Variants in PLPPR1 observed in about 807,000 individuals in gnomAD.
PLPPR1 encodes the protein phospholipid phosphatase related 1, also known as phospholipid phosphatase-related protein type 1.
In PLPPR1, 10 loss-of-function variants were observed where a neutral mutation model predicts 33.1. That is an observed-to-expected ratio of 0.30 (90% CI 0.19 to 0.51). The LOEUF (loss-of-function observed/expected upper bound fraction) is 0.51. PLPPR1 is among the 20% of genes least tolerant of loss of function. The pLI, the probability that PLPPR1 is intolerant of heterozygous loss-of-function variation, is 0.97. For synonymous variants in PLPPR1, 151 were observed against 151.0 expected (o/e 1.00, Z 0.00); for missense variants, 304 against 408.1 (o/e 0.74, Z 2.20).
intron 2 of PLPPR1, among the ~76,000 whole-genome samples, chr9:101,266,438 G>A (rs1246632409): frequency 2.1e-5 from 3 of 142,854 alleles, no homozygotes; most frequent in Non-Finnish European, 3.1e-5. Context: ...TAAAGAAAAA[G>A]AAAATTACAA....
At chr9:101,277,733 C>T (rs534546426) in intron 3 of PLPPR1, among the ~76,000 whole-genome samples, 3 of 152,282 alleles carry the variant, frequency 2.0e-5, no homozygotes, top group African/African-American at 7.2e-5. Flanking sequence ...AGGGCAGAGT[C>T]GAGCTAGAAT....
intron 4 of PLPPR1, among the ~76,000 whole-genome samples, chr9:101,295,491 C>A (rs916586151): frequency 4.3e-4 from 65 of 152,244 alleles, no homozygotes; most frequent in Admixed American, 6.5e-4. Context: ...CCCACATCAC[C>A]AATTCAATCC....
intron 1 of PLPPR1, among the ~76,000 whole-genome samples, chr9:101,117,957 GC>G (rs1831135319): frequency 6.6e-6 from 1 of 152,162 alleles, no homozygotes; most frequent in South Asian, 2.1e-4. Context: ...CTGTCCAAGG[GC>G]TGCTTTGTTG....
At chr9:101,034,560 C>A (rs994131130) in intron 1 of PLPPR1, among the ~76,000 whole-genome samples, 1 of 152,146 alleles carries the variant, frequency 6.6e-6, no homozygotes, top group Non-Finnish European at 1.5e-5. Context: ...TTAATTCTGG[C>A]TCTGCCACTT....
chr9:101,259,058 A>ATGTAGTT (rs1467406788), intron 2 of PLPPR1, among the ~76,000 whole-genome samples: 2 of 152,168 alleles, frequency 1.3e-5, no homozygotes, highest in Non-Finnish European at 2.9e-5. Flanking sequence ...CCCTTCCTTG[A>ATGTAGTT]TGTAGTTGTA....
intron 2 of PLPPR1, among the ~76,000 whole-genome samples, chr9:101,265,944 C>T (rs1055644695): frequency 6.6e-6 from 1 of 151,140 alleles, no homozygotes; most frequent in Non-Finnish European, 1.5e-5. Context: ...TGCAGTGAGC[C>T]GAGATTGTGC....
chr9:101,276,967 T>C (rs1452402495), intron 3 of PLPPR1, among the ~76,000 whole-genome samples: 3 of 152,206 alleles, frequency 2.0e-5, no homozygotes, highest in Non-Finnish European at 4.4e-5. Context: ...CTAGCCAAAG[T>C]TCTGCAAGTA....
rs1215978428 is a variant in PLPPR1 at position 101,128,073 on chromosome 9, A to G, written c.-45-57377A>G. Among the ~76,000 whole-genome samples, 7 of 152,230 alleles carry G rather than the reference A, an allele frequency of 4.6e-5. No homozygotes were observed. In the South Asian group the frequency reaches 8.3e-4, roughly 18 times the overall value. ...GTTCAGGAATTTTACTGGGATCTAG[A>G]AAACATTAAGCACTATGAGAATTGT... is the stretch of plus-strand genomic sequence containing the variant. On this transcript the variant is annotated intron_variant, in intron 1 of 7. Coordinates refer to ENST00000374874, the MANE Select transcript of PLPPR1 (RefSeq NM_207299.2).
intron 2 of PLPPR1, among the ~76,000 whole-genome samples, chr9:101,186,371 A>G (rs1327575758): frequency 6.6e-6 from 1 of 151,772 alleles, no homozygotes; most frequent in Admixed American, 6.6e-5. Context: ...ATGACAGTGT[A>G]AAGAGCTGAA....
intron 1 of PLPPR1, among the ~76,000 whole-genome samples, chr9:101,090,944 C>A (rs2118531615): frequency 6.6e-6 from 1 of 151,576 alleles, no homozygotes; most frequent in Non-Finnish European, 1.5e-5. Context: ...CCTTCCTATC[C>A]TCCTTCCCTC....
At chr9:101,066,953 A>T (rs375541816) in intron 1 of PLPPR1, among the ~76,000 whole-genome samples, 35 of 152,196 alleles carry the variant, frequency 2.3e-4, no homozygotes, top group African/African-American at 7.0e-4. Context: ...TCTGAGCTAG[A>T]CATTTTAGTT....
chr9:101,199,210 T>C (rs1826450506), intron 2 of PLPPR1, among the ~76,000 whole-genome samples: 1 of 152,210 alleles, frequency 6.6e-6, no homozygotes, highest in Admixed American at 6.5e-5. Flanking sequence ...AACTCAGTTA[T>C]TGAAAAACTT....
At chr9:101,170,301 G>T (rs1393933017) in intron 1 of PLPPR1, among the ~76,000 whole-genome samples, 1 of 152,146 alleles carries the variant, frequency 6.6e-6, no homozygotes, top group Non-Finnish European at 1.5e-5. Context: ...AAGGAAAGAG[G>T]TTTAATGGAG....
intron 4 of PLPPR1, among the ~76,000 whole-genome samples, chr9:101,290,729 G>C (rs1034321286): frequency 2.6e-5 from 4 of 152,164 alleles, no homozygotes; most frequent in Non-Finnish European, 1.5e-5. Flanking sequence ...ATGGTATTAA[G>C]AATTTTTCAT....
chr9:101,275,406 G>T (rs545543419), intron 3 of PLPPR1, among the ~76,000 whole-genome samples: 28 of 152,356 alleles, frequency 1.8e-4, no homozygotes, highest in African/African-American at 6.3e-4. Context: ...TGTCAGAAAA[G>T]ATCAGCATCA....
At chr9:101,249,097 T>C (rs1051438710) in intron 2 of PLPPR1, among the ~76,000 whole-genome samples, 1 of 152,062 alleles carries the variant, frequency 6.6e-6, no homozygotes, top group African/African-American at 2.4e-5. Context: ...CCAACACTAT[T>C]AGGTGACAGA....
chr9:101,129,209 C>T (rs1225564846), intron 1 of PLPPR1, among the ~76,000 whole-genome samples: 1 of 151,950 alleles, frequency 6.6e-6, no homozygotes, highest in East Asian at 1.9e-4. Flanking sequence ...TTTAAGACTG[C>T]CTATATCAAA....
At chr9:101,313,728 C>G (rs1829002883) in intron 6 of PLPPR1, among the ~76,000 whole-genome samples, 1 of 152,138 alleles carries the variant, frequency 6.6e-6, no homozygotes, top group South Asian at 2.1e-4. Context: ...TTTTTGCCTT[C>G]TCTTTCACGG....
chr9:101,049,802 ATCT>A (rs780263815), intron 1 of PLPPR1, among the ~76,000 whole-genome samples: 16 of 151,898 alleles, frequency 1.1e-4, no homozygotes, highest in Admixed American at 2.0e-4. Flanking sequence ...TTAACAAGTG[ATCT>A]TCTTAATAAG....
Sources: gnomAD v4.1 joint callset for allele counts (sites outside exome capture counted in the v4.1 genomes callset) on GRCh38, gnomAD v4.1.1 for gene constraint, MANE v1.5 for transcripts, NCBI Gene and HGNC (gene_info 2026-07-23, HGNC 2026-07-21) for gene names.